ERICH6B: variants seen among roughly 807,000 people sequenced by gnomAD.
The protein encoded by ERICH6B is glutamate-rich protein 6B.
ERICH6B carries 69 observed loss-of-function variants against 80.0 expected under a neutral mutation model. The ratio of observed to expected loss-of-function variants is 0.86; its 90% CI spans 0.71 to 1.05. The LOEUF (loss-of-function observed/expected upper bound fraction) is 1.05. Among genes scored for constraint, ERICH6B ranks in the 50% least tolerant of loss-of-function variants. ERICH6B has a pLI of 0.00. For synonymous variants in ERICH6B, 283 were observed against 291.9 expected (o/e 0.97, Z 0.31); for missense variants, 754 against 796.1 (o/e 0.95, Z 0.64).
chr13:45,591,161 A>T (rs1426921576), intron 3 of ERICH6B, among the ~76,000 whole-genome samples: 2 of 152,250 alleles, frequency 1.3e-5, no homozygotes, highest in Non-Finnish European at 2.9e-5. Flanking sequence ...AACAATTCTG[A>T]TAATACAAAA....
At chr13:45,580,815 C>T in intron 5 of ERICH6B, 150 bp from the exon 6 acceptor site, 1 of 697,648 alleles carries the variant, frequency 1.4e-6, no homozygotes, top group South Asian at 1.8e-5. Flanking sequence ...GCACAGCTGG[C>T]ATATATAGAT....
In ERICH6B at chr13:45,550,300, C is replaced by T. The variant is rs1357966029; in HGVS notation, c.1424G>A (p.Gly475Glu). 1 of 1,551,544 alleles carries T rather than the reference C, an allele frequency of 6.4e-7. No individual in the cohort carries two copies. The highest frequency in any genetic ancestry group is 2.0e-5 in the Admixed American group (1 of 51,012). Residue 475 changes from glycine (G) to glutamate (E), a missense_variant, in exon 12 of 15, where the codon GGA becomes GAA. Physicochemically the swap from Gly to Glu is moderately conservative, Grantham distance 98. Coordinates refer to ENST00000298738, the MANE Select transcript of ERICH6B (RefSeq NM_182542.3). ...CTTGTTGGGGTAGAGAATTAATTTTCCATCACCTTGATGCACCTGGGAAGA... is the reference window on the plus strand; with the variant it reads ...CTTGTTGGGGTAGAGAATTAATTTTTCATCACCTTGATGCACCTGGGAAGA... ...QKKTVVHQGD[G>E]KLILYPNKNV...
chr13:45,549,346 A>C (rs979119256), intron 13 of ERICH6B, among the ~76,000 whole-genome samples: 1 of 152,174 alleles, frequency 6.6e-6, no homozygotes, highest in African/African-American at 2.4e-5. Flanking sequence ...GAGGGAAGGA[A>C]AAAATCCTGA....
At chr13:45,603,854 A>T (rs190009633) in intron 2 of ERICH6B, among the ~76,000 whole-genome samples, 36 of 152,334 alleles carry the variant, frequency 2.4e-4, no homozygotes, top group Non-Finnish European at 4.4e-5. Context: ...ATTACAAAGT[A>T]AGTTCCCTGG....
Position 45,596,544 on chromosome 13 carries a change from C to T in ERICH6B, c.462G>A (p.Glu154=), listed in dbSNP as rs1876382956. 1.9e-6 allele frequency: 3 copies of T among 1,551,148 alleles called. No individual in the cohort carries two copies. The highest frequency in any genetic ancestry group is 2.6e-6 in the Non-Finnish European group (3 of 1,146,366). The change falls in exon 3 of 15, where the codon GAG becomes GAA. Residue 154 remains glutamate (E), a synonymous_variant. Coordinates refer to ENST00000298738, the MANE Select transcript of ERICH6B (RefSeq NM_182542.3). Reference sequence around the variant, plus strand: ...ACGCTTTCTTCCCCAGATAATCTACCTCCTCAATATAATCTTCCTTCTCCA... The same window carrying T: ...ACGCTTTCTTCCCCAGATAATCTACTTCCTCAATATAATCTTCCTTCTCCA... The part of the protein sequence containing the change: ...GYLEKEDYIE[E]VDYLGKKAYL...
chr13:45,608,781 G>A (rs760337005), intron 1 of ERICH6B, among the ~76,000 whole-genome samples: 3 of 152,120 alleles, frequency 2.0e-5, no homozygotes, highest in Non-Finnish European at 2.9e-5. Context: ...TAAGTTATTC[G>A]GATGTAACGA....
chr13:45,542,929 C>A (rs3014908), intron 14 of ERICH6B, among the ~76,000 whole-genome samples: 74,430 of 152,014 alleles, frequency 0.49, 18,681 homozygotes, highest in East Asian at 0.76. Flanking sequence ...TCTGGCCACC[C>A]TAAACCTAGC....
chr13:45,588,870 G>A (rs1368791883), intron 4 of ERICH6B, among the ~76,000 whole-genome samples: 1 of 152,174 alleles, frequency 6.6e-6, no homozygotes, highest in East Asian at 1.9e-4. Flanking sequence ...AGGACACAGG[G>A]AGGAGCCATT....
rs1303948724 is a variant in ERICH6B at position 45,541,302 on chromosome 13, T to C, written c.*160A>G. The C allele has an allele frequency of 1.5e-6, 1 of 646,698 alleles. No homozygotes were observed. The highest frequency in any genetic ancestry group is 1.8e-5 in the African/African-American group (1 of 54,670). 40.1% of individuals were successfully genotyped at this position (646,698 alleles called of 1,614,324 possible). A position where few individuals can be genotyped will look rare whatever the true frequency, so the allele number is the denominator to read the frequency against. On this transcript the variant is annotated 3_prime_UTR_variant, in exon 15 of 15. Coordinates refer to ENST00000298738, the MANE Select transcript of ERICH6B (RefSeq NM_182542.3). ...CTCAGCCACAGACTCTGTTAGCCCT[T>C]CTGCCAAAAATGTTTACTTCAAATC...
At chr13:45,591,892 A>T (rs1019331829) in intron 3 of ERICH6B, among the ~76,000 whole-genome samples, 1 of 152,146 alleles carries the variant, frequency 6.6e-6, no homozygotes, top group Non-Finnish European at 1.5e-5. Context: ...TTCATTTTTT[A>T]AAAAAAGGAA....
Position 45,600,457 on chromosome 13 carries a change from C to T in ERICH6B, c.-58-3394G>A, listed in dbSNP as rs185731497. Among the ~76,000 whole-genome samples, 188 of 152,218 alleles carry T rather than the reference C, an allele frequency of 1.2e-3. 1 individual carries two copies. Among genetic ancestry groups the T allele is most frequent in the Admixed American group, 2.7e-3 (42 of 15,290 alleles). On this transcript the variant is annotated intron_variant, in intron 2 of 14. Transcript: ENST00000298738. ...TCACGGTTTTTAGGGTCTCCAGCAC[C>T]CAAATAGCATACATTGTACTCATTA... is the stretch of plus-strand genomic sequence containing the variant.
rs1320556568 is a variant in ERICH6B, at chr13:45,590,631, C to G, written c.686+18G>C. On this transcript the variant is annotated intron_variant, in intron 4 of 14. Transcript: ENST00000298738. The stretch of plus-strand genomic sequence containing the variant: ...AGCAGGAGTTTCCACCTGATTTATC[C>G]CAAAAGAAAACTGTTACCTTGCATC... The G allele has an allele frequency of 1.3e-6, 2 of 1,550,498 alleles. No individual in the cohort carries two copies. The highest frequency in any genetic ancestry group is 8.7e-7 in the Non-Finnish European group (1 of 1,146,432).
In ERICH6B at chr13:45,545,070, C is replaced by T. The variant is rs998597967; in HGVS notation, c.1647-85G>A. 4 of 1,158,318 alleles carry T rather than the reference C, an allele frequency of 3.5e-6. No homozygotes were observed. The African/African-American group carries it at 4.7e-5, about 14-fold the overall frequency. 71.8% of individuals were successfully genotyped at this position (1,158,318 alleles called of 1,614,324 possible). A position where few individuals can be genotyped will look rare whatever the true frequency, so the allele number is the denominator to read the frequency against. ...CCTCTTCTCCTTCCCTTTCTTTTCC[C>T]CTACTTGGCACAGAAAGACTGACAG... On this transcript the variant is annotated intron_variant, in intron 13 of 14. Transcript: ENST00000298738.
chr13:45,588,922 T>C (rs1318773663), intron 4 of ERICH6B, among the ~76,000 whole-genome samples: 1 of 152,044 alleles, frequency 6.6e-6, no homozygotes, highest in East Asian at 1.9e-4. Context: ...GAGGCCTGCT[T>C]CTGTAGTGCT....
intron 11 of ERICH6B, among the ~76,000 whole-genome samples, chr13:45,559,356 T>C (rs1008247229): frequency 1.3e-5 from 2 of 152,150 alleles, no homozygotes; most frequent in African/African-American, 4.8e-5. Context: ...AAGAACCAAC[T>C]TTTTGTTTCA....
chr13:45,574,266 G>A (rs1875289214), intron 8 of ERICH6B, among the ~76,000 whole-genome samples: 1 of 152,284 alleles, frequency 6.6e-6, no homozygotes, highest in African/African-American at 2.4e-5. Context: ...CAGCCCTAGA[G>A]GAAGTTGATG....
Position 45,596,292 on chromosome 13 carries a change from A to G in ERICH6B, c.637+77T>C, listed in dbSNP as rs1040436139. The G allele has an allele frequency of 1.3e-5, 18 of 1,433,462 alleles. 1 individual carries two copies. In the South Asian group the frequency reaches 2.7e-4, roughly 21 times the overall value. The allele number at this position is 1,433,462 out of a possible 1,614,324, so 88.8% of individuals were successfully genotyped here. A position where few individuals can be genotyped will look rare whatever the true frequency, so the allele number is the denominator to read the frequency against. On this transcript the variant is annotated intron_variant, in intron 3 of 14. Coordinates refer to ENST00000298738, the MANE Select transcript of ERICH6B (RefSeq NM_182542.3). ...TCCAGATACTCATCCCTTTCCAGAT[A>G]CTCTTCTTCATCCAACCTTCTTTCC...
At chr13:45,542,565 C>G (rs1041798633) in intron 14 of ERICH6B, among the ~76,000 whole-genome samples, 1 of 152,222 alleles carries the variant, frequency 6.6e-6, no homozygotes, top group Non-Finnish European at 1.5e-5. Context: ...CCCCTGGTCT[C>G]TCTGCCCACA....
chr13:45,603,296 C>G (rs1949837749), intron 2 of ERICH6B, among the ~76,000 whole-genome samples: 1 of 152,228 alleles, frequency 6.6e-6, no homozygotes, highest in South Asian at 2.1e-4. Flanking sequence ...AACACCCTCA[C>G]AGCCACACCC....
Sources: allele counts gnomAD v4.1 joint callset (sites outside exome capture counted in the v4.1 genomes callset), GRCh38; gene constraint gnomAD v4.1.1; transcripts MANE v1.5; gene names NCBI Gene and HGNC (gene_info 2026-07-23, HGNC 2026-07-21).